EXPH5: variants seen among roughly 807,000 people sequenced by gnomAD.
EXPH5 encodes the protein exophilin 5, also known as exophilin-5.
Under a neutral mutation model 41.1 loss-of-function variants are expected in EXPH5, and 42 were observed. The ratio of observed to expected loss-of-function variants is 1.02; its 90% CI spans 0.80 to 1.32. The LOEUF (loss-of-function observed/expected upper bound fraction) is 1.32, where lower values mean the gene tolerates loss of function less well. Ranked by LOEUF, EXPH5 falls within the 40% of genes most tolerant of loss-of-function variation. The pLI is 0.00. For synonymous variants in EXPH5, 798 were observed against 833.5 expected (o/e 0.96, Z 0.73); for missense variants, 2,298 against 2,314.5 (o/e 0.99, Z 0.15).
At chr11:108,515,019 A>G (rs989289185) in intron 5 of EXPH5, 144 bp from the exon 6 acceptor site, 7 of 466,184 alleles carry the variant, frequency 1.5e-5, no homozygotes, top group African/African-American at 1.4e-4. Context: ...ATTAATTTTG[A>G]TTATATTTTT....
intron 1 of EXPH5, among the ~76,000 whole-genome samples, chr11:108,548,567 C>A (rs891340632): frequency 6.6e-6 from 1 of 152,050 alleles, no homozygotes; most frequent in African/African-American, 2.4e-5. Context: ...TTCAGGTAGT[C>A]GATAATGGCA....
At chr11:108,580,103 A>T (rs1043534336) in intron 1 of EXPH5, among the ~76,000 whole-genome samples, 15 of 152,218 alleles carry the variant, frequency 9.9e-5, no homozygotes, top group African/African-American at 3.6e-4. Flanking sequence ...CAATCAACAG[A>T]GTGAAAAGAT....
intron 4 of EXPH5, among the ~76,000 whole-genome samples, chr11:108,523,018 G>T (rs868226176): frequency 6.6e-6 from 1 of 151,906 alleles, no homozygotes; most frequent in Non-Finnish European, 1.5e-5. Flanking sequence ...AGTAACTGGG[G>T]CTATAGATGT....
intron 5 of EXPH5, among the ~76,000 whole-genome samples, chr11:108,515,576 G>A (rs1348440435): frequency 6.6e-6 from 1 of 151,926 alleles, no homozygotes; most frequent in Non-Finnish European, 1.5e-5. Flanking sequence ...AGTCCTAAAC[G>A]CTTAATATAT....
intron 1 of EXPH5, among the ~76,000 whole-genome samples, chr11:108,576,612 T>C (rs1238192827): frequency 1.3e-5 from 2 of 152,222 alleles, no homozygotes; most frequent in Non-Finnish European, 2.9e-5. Context: ...TTTATGGATA[T>C]ATAGTAGTTG....
chr11:108,607,073 G>T, the EXPH5 span, among the ~76,000 whole-genome samples: 1 of 152,152 alleles, frequency 6.6e-6, no homozygotes, highest in Non-Finnish European at 1.5e-5. Flanking sequence ...TACATCAGCT[G>T]TTCCAGGCAA....
At chr11:108,555,412 A>G (rs1005836247) in intron 1 of EXPH5, among the ~76,000 whole-genome samples, 4 of 152,226 alleles carry the variant, frequency 2.6e-5, no homozygotes, top group Non-Finnish European at 5.9e-5. Flanking sequence ...CATTTACTAT[A>G]TATCATACAC....
At chr11:108,532,329 C>A (rs1239986191) in intron 3 of EXPH5, among the ~76,000 whole-genome samples, 2 of 95,434 alleles carry the variant, frequency 2.1e-5, no homozygotes, top group African/African-American at 8.4e-5. Flanking sequence ...TGGTGTGCAC[C>A]ACCACACTGG....
chr11:108,506,613 C>A lies in EXPH5; in HGVS notation c.*2924G>T, dbSNP rs1010224719. On this transcript the variant is annotated 3_prime_UTR_variant, in exon 6 of 6. Transcript: ENST00000265843. ...AGCTGATCATTAAAAAAATCAAGAACCTCAATATTAAAATATTAACTCTGA... is the reference window on the plus strand; with the variant it reads ...AGCTGATCATTAAAAAAATCAAGAAACTCAATATTAAAATATTAACTCTGA... 2.6e-5 allele frequency: 4 copies of A among 152,058 alleles called. No homozygotes were observed. The highest frequency in any genetic ancestry group is 7.2e-5 in the African/African-American group (3 of 41,406). 9.4% of individuals were successfully genotyped at this position (152,058 alleles called of 1,614,324 possible). A position where few individuals can be genotyped will look rare whatever the true frequency, so the allele number is the denominator to read the frequency against.
At chr11:108,558,132 G>T (rs917854671) in intron 1 of EXPH5, among the ~76,000 whole-genome samples, 5 of 151,874 alleles carry the variant, frequency 3.3e-5, no homozygotes, top group African/African-American at 9.7e-5. Context: ...TAATAGAGAT[G>T]GGGTTTCACC....
upstream of EXPH5, among the ~76,000 whole-genome samples, chr11:108,593,967 G>A (rs1333975604): frequency 1.3e-5 from 2 of 151,884 alleles, no homozygotes; most frequent in Non-Finnish European, 2.9e-5. Context: ...GCAAGGCTAA[G>A]TGTTGGCGCC....
At chr11:108,550,154 AT>A in intron 1 of EXPH5, among the ~76,000 whole-genome samples, 3 of 152,302 alleles carry the variant, frequency 2.0e-5, no homozygotes, top group Admixed American at 2.0e-4. Flanking sequence ...CCAATAGAAT[AT>A]GGTGGAAGTG....
intron 3 of EXPH5, 150 bp downstream of exon 3, chr11:108,538,874 T>C: frequency 1.6e-6 from 1 of 638,962 alleles, no homozygotes; most frequent in Non-Finnish European, 2.5e-6. Flanking sequence ...ACTTTGTCAC[T>C]ATGCAAGTTA....
In EXPH5 at chr11:108,511,455, T is replaced by A; in HGVS notation, c.4052A>T (p.Glu1351Val). Reference sequence around the variant, plus strand: ...CTCTTCAGGAAGAGAAACAGCTGCCTCAACAGAAGCCATTTCCTGTAATGT... The same window carrying A: ...CTCTTCAGGAAGAGAAACAGCTGCCACAACAGAAGCCATTTCCTGTAATGT... ...APTLQEMASV[E>V]AAVSLPEEES... Residue 1351 changes from glutamate to valine, a missense_variant, in exon 6 of 6, where the codon GAG (glutamate) becomes GTG (valine). Physicochemically the swap from Glu to Val is moderately radical, Grantham distance 121. Coordinates refer to ENST00000265843, the MANE Select transcript of EXPH5 (RefSeq NM_015065.3). 1.3e-6 allele frequency: 2 copies of A among 1,581,662 alleles called. No homozygotes were observed. The highest frequency in any genetic ancestry group is 1.2e-5 in the South Asian group (1 of 84,994).
chr11:108,564,557 G>C (rs1000069528), intron 1 of EXPH5, among the ~76,000 whole-genome samples: 4 of 152,078 alleles, frequency 2.6e-5, no homozygotes, highest in Non-Finnish European at 5.9e-5. Flanking sequence ...TAATTTTTTA[G>C]AGTCATAATG....
intron 1 of EXPH5, among the ~76,000 whole-genome samples, chr11:108,573,262 G>T (rs2094069091): frequency 6.6e-6 from 1 of 152,066 alleles, no homozygotes; most frequent in Non-Finnish European, 1.5e-5. Context: ...GCAAGCGAGG[G>T]AGAAAGAAAA....
intron 1 of EXPH5, among the ~76,000 whole-genome samples, chr11:108,550,051 C>T (rs1282571406): frequency 6.6e-6 from 1 of 152,172 alleles, no homozygotes; most frequent in Non-Finnish European, 1.5e-5. Context: ...TAGTTCTGGC[C>T]TTTGAAGTAA....
intron 1 of EXPH5, among the ~76,000 whole-genome samples, chr11:108,556,190 A>G (rs1462130717): frequency 6.6e-6 from 1 of 152,140 alleles, no homozygotes; most frequent in African/African-American, 2.4e-5. Context: ...ACATCAGGCT[A>G]CCTCAGGATA....
chr11:108,600,952 A>G, the EXPH5 span, among the ~76,000 whole-genome samples: 1 of 152,228 alleles, frequency 6.6e-6, no homozygotes, highest in African/African-American at 2.4e-5. Flanking sequence ...TGTTGAAAGA[A>G]CACAAAGAAG....
Sources: allele counts gnomAD v4.1 joint callset (sites outside exome capture counted in the v4.1 genomes callset), GRCh38; gene constraint gnomAD v4.1.1; transcripts MANE v1.5; gene names NCBI Gene and HGNC (gene_info 2026-07-23, HGNC 2026-07-21).